RBPJ: variants seen among roughly 807,000 people sequenced by gnomAD.
The protein encoded by RBPJ is recombining binding protein suppressor of hairless.
Under a neutral mutation model 67.8 loss-of-function variants are expected in RBPJ, and 9 were observed. That is an observed-to-expected ratio of 0.13 (90% CI 0.08 to 0.23). The LOEUF (loss-of-function observed/expected upper bound fraction) is 0.23. RBPJ is among the 10% of genes least tolerant of loss of function. The pLI is 1.00. For synonymous variants in RBPJ, 198 were observed against 203.3 expected, an observed-to-expected ratio of 0.97 and a Z score of 0.22; for missense variants, 305 against 595.6, an observed-to-expected ratio of 0.51 and a Z score of 5.08.
chr4:26,284,456 CTATTTTAATTTTTATTT>C (rs773630780), intron 1 of RBPJ, among the ~76,000 whole-genome samples: 33 of 152,100 alleles, frequency 2.2e-4, no homozygotes, highest in Non-Finnish European at 3.4e-4. Flanking sequence ...CATATGAACT[CTATTTTAATTTTTATTT>C]TATTTTATTT....
chr4:26,133,013 T>G, the RBPJ span, among the ~76,000 whole-genome samples: 2 of 152,162 alleles, frequency 1.3e-5, no homozygotes, highest in Admixed American at 6.5e-5. Flanking sequence ...CCTTCCTACG[T>G]CTTTCCCAAA....
Position 26,366,937 on chromosome 4 carries a change from A to G in RBPJ, c.21-19416A>G, listed in dbSNP as rs533520174. Among the ~76,000 whole-genome samples, 7 of 150,810 alleles carry G rather than the reference A, an allele frequency of 4.6e-5. No individual in the cohort carries two copies. In the East Asian group the frequency reaches 1.4e-3, roughly 30 times the overall value. ...TCACCAGTTTGAGACCAGCCTGGCC[A>G]ATATGGTGAAACCTCATCTCTACTA... On this transcript the variant is annotated intron_variant, in intron 1 of 10. Coordinates refer to ENST00000355476, the MANE Select transcript of RBPJ (RefSeq NM_015874.6).
At chr4:26,201,602 A>G (rs141072169) in intron 1 of RBPJ, among the ~76,000 whole-genome samples, 2 of 152,236 alleles carry the variant, frequency 1.3e-5, no homozygotes, top group African/African-American at 2.4e-5. Context: ...CCCTCAACAC[A>G]CATGACCTGC....
At chr4:26,161,504 A>G (rs1034103424), upstream of RBPJ, among the ~76,000 whole-genome samples, 7 of 152,198 alleles carry the variant, frequency 4.6e-5, no homozygotes, top group African/African-American at 9.7e-5. Flanking sequence ...CAGCCTAACA[A>G]AGATCCCACT....
At chr4:26,107,265 C>G in the RBPJ span, among the ~76,000 whole-genome samples, 1 of 152,166 alleles carries the variant, frequency 6.6e-6, no homozygotes, top group African/African-American at 2.4e-5. Flanking sequence ...ATCCCACATG[C>G]CCTAACAAAT....
At chr4:26,120,909 G>A in the RBPJ span, among the ~76,000 whole-genome samples, 1 of 130,328 alleles carries the variant, frequency 7.7e-6, no homozygotes, top group Non-Finnish European at 1.7e-5. Flanking sequence ...AAGATAAATG[G>A]ACATACATTT....
intron 4 of RBPJ, among the ~76,000 whole-genome samples, chr4:26,417,499 A>G (rs1463673545): frequency 6.6e-6 from 1 of 152,224 alleles, no homozygotes; most frequent in Non-Finnish European, 1.5e-5. Context: ...TATTTAAAAT[A>G]CCTAGTAATA....
At chr4:26,142,210 T>A in the RBPJ span, among the ~76,000 whole-genome samples, 1 of 151,790 alleles carries the variant, frequency 6.6e-6, no homozygotes, top group South Asian at 2.1e-4. Flanking sequence ...GAATCTTCTG[T>A]TCATCTGGCA....
intron 2 of RBPJ, among the ~76,000 whole-genome samples, chr4:26,396,847 C>G (rs1232727585): frequency 2.0e-5 from 3 of 152,232 alleles, no homozygotes; most frequent in African/African-American, 7.2e-5. Context: ...TCCTTAGGAA[C>G]AGGACCTGTA....
At chr4:26,308,773 A>G (rs1722329952) in intron 1 of RBPJ, among the ~76,000 whole-genome samples, 1 of 152,184 alleles carries the variant, frequency 6.6e-6, no homozygotes, top group Non-Finnish European at 1.5e-5. Context: ...TTATCATTAC[A>G]CTATCTCTGA....
At chr4:26,393,921 G>A (rs1296946275) in intron 2 of RBPJ, among the ~76,000 whole-genome samples, 1 of 151,940 alleles carries the variant, frequency 6.6e-6, no homozygotes, top group African/African-American at 2.4e-5. Flanking sequence ...TGTTGTGAAG[G>A]TCATCTTTTA....
chr4:26,278,007 G>C (rs986999802), intron 1 of RBPJ, among the ~76,000 whole-genome samples: 1 of 152,144 alleles, frequency 6.6e-6, no homozygotes, highest in Admixed American at 6.5e-5. Context: ...TTCTAAGCTA[G>C]CTCCTTTGCT....
chr4:26,386,443 A>T, intron 2 of RBPJ, 52 bp downstream of exon 2: 1 of 1,230,420 alleles, frequency 8.1e-7, no homozygotes, highest in Non-Finnish European at 1.2e-6. Context: ...GAAAGTATAA[A>T]TCTTATTGTT....
intron 1 of RBPJ, among the ~76,000 whole-genome samples, chr4:26,356,052 G>A (rs1379929077): frequency 6.6e-6 from 1 of 152,192 alleles, no homozygotes; most frequent in African/African-American, 2.4e-5. Flanking sequence ...TTCAGGATGT[G>A]GTTCTTGTTA....
intron 2 of RBPJ, among the ~76,000 whole-genome samples, chr4:26,392,925 A>AT (rs1347871123): frequency 1.8e-4 from 28 of 152,168 alleles, no homozygotes; most frequent in Non-Finnish European, 3.8e-4. Context: ...AGTTTTGTTT[A>AT]TTTTTTTGTT....
At chr4:26,202,023 C>T (rs113676280) in intron 1 of RBPJ, among the ~76,000 whole-genome samples, 1 of 152,210 alleles carries the variant, frequency 6.6e-6, no homozygotes, top group African/African-American at 2.4e-5. Context: ...AAAAAACTTT[C>T]TTTCCCATTC....
In RBPJ at chr4:26,429,865, AAAACTTAGTTTCT is replaced by A; in HGVS notation, c.889-26_889-14del. On this transcript the variant is annotated intron_variant, in intron 8 of 10. Coordinates refer to ENST00000355476, the MANE Select transcript of RBPJ (RefSeq NM_015874.6). ...CTTATCCTATTAATACAAACTGTATAAAACTTAGTTTCTAAACTTCTTTCTTTATTAGGCCACT... is the reference window on the plus strand; with the variant it reads ...CTTATCCTATTAATACAAACTGTATAAAACTTCTTTCTTTATTAGGCCACT... 1 of 1,584,542 alleles carries A rather than the reference AAAACTTAGTTTCT, an allele frequency of 6.3e-7. No individual in the cohort carries two copies. Among genetic ancestry groups the A allele is most frequent in the Non-Finnish European group, 8.6e-7 (1 of 1,156,752 alleles).
chr4:26,354,457 T>TG (rs910593394), intron 1 of RBPJ, among the ~76,000 whole-genome samples: 2 of 150,010 alleles, frequency 1.3e-5, no homozygotes, highest in African/African-American at 4.9e-5. Flanking sequence ...TTCTGTTTTT[T>TG]TTTTTTTTTT....
At chr4:26,255,266 T>C (rs541207056) in intron 1 of RBPJ, among the ~76,000 whole-genome samples, 1,785 of 131,964 alleles carry the variant, frequency 0.014, 18 homozygotes, top group African/African-American at 0.054. Context: ...GAGCCGGGCG[T>C]GGTGGCGGGC....
Sources: gnomAD v4.1 joint callset for allele counts (sites outside exome capture counted in the v4.1 genomes callset) on GRCh38, gnomAD v4.1.1 for gene constraint, MANE v1.5 for transcripts, NCBI Gene and HGNC (gene_info 2026-07-23, HGNC 2026-07-21) for gene names.